Variants in GRIN2B observed in about 807,000 individuals in gnomAD.
GRIN2B encodes the protein glutamate ionotropic receptor NMDA type subunit 2B, also known as glutamate receptor ionotropic, NMDA 2B.
A neutral mutation model predicts 114.5 loss-of-function variants in GRIN2B; 5 were observed. The observed-to-expected ratio is 0.04, with a 90% CI of 0.02 to 0.09. The LOEUF is 0.09. Among genes scored for constraint, GRIN2B ranks in the 10% least tolerant of loss-of-function variants. The pLI is 1.00. For missense variants in GRIN2B, 1,108 were observed against 1,943.5 expected (o/e 0.57, Z 8.08); for synonymous variants, 787 against 745.1 (o/e 1.06, Z -0.92).
At position 13,938,942 on chromosome 12, in the gene GRIN2B, T is replaced by C. The variant is rs1867181654; in HGVS notation, c.-19+40986A>G. Among the ~76,000 whole-genome samples the C allele has an allele frequency of 6.6e-5, 10 of 152,214 alleles. No individual in the cohort carries two copies. In the South Asian group the frequency reaches 2.1e-3, roughly 32 times the overall value. On this transcript the variant is annotated intron_variant, in intron 2 of 13. Coordinates refer to ENST00000609686, the MANE Select transcript of GRIN2B (RefSeq NM_000834.5). The stretch of plus-strand genomic sequence containing the variant: ...AAATAAAGACAATTAAATGCTTCTC[T>C]TCTCTTTTTGCCATTACATCAAACT...
intron 3 of GRIN2B, among the ~76,000 whole-genome samples, chr12:13,852,956 C>A (rs1272956171): frequency 6.6e-6 from 1 of 152,094 alleles, no homozygotes; most frequent in Non-Finnish European, 1.5e-5. Flanking sequence ...GCTATACTGA[C>A]CCTCCTATTA....
intron 5 of GRIN2B, among the ~76,000 whole-genome samples, chr12:13,620,901 AAAAT>A (rs2136486711): frequency 6.6e-6 from 1 of 152,076 alleles, no homozygotes; most frequent in East Asian, 1.9e-4. Context: ...AAATGAAAAA[AAAAT>A]AAGAGGGAAA....
intron 2 of GRIN2B, among the ~76,000 whole-genome samples, chr12:13,967,448 T>A (rs1867807397): frequency 6.6e-6 from 1 of 152,260 alleles, no homozygotes; most frequent in East Asian, 1.9e-4. Context: ...AAGCTTTTAA[T>A]GTCTTCATGT....
intron 10 of GRIN2B, among the ~76,000 whole-genome samples, chr12:13,588,353 A>C (rs548189027): frequency 6.6e-6 from 1 of 152,290 alleles, no homozygotes; most frequent in Admixed American, 6.5e-5. Context: ...AGTTGTTGGG[A>C]GTGTGGGGCA....
At chr12:13,881,166 A>T (rs1866068268) in intron 2 of GRIN2B, among the ~76,000 whole-genome samples, 1 of 152,068 alleles carries the variant, frequency 6.6e-6, no homozygotes, top group South Asian at 2.1e-4. Flanking sequence ...TGTCTTCTCT[A>T]TTCTTAAAAT....
rs1948480401 is a variant in GRIN2B at position 13,556,454 on chromosome 12, A to G, written c.*6329T>C. The G allele has an allele frequency of 6.6e-6, 1 of 152,146 alleles. No homozygotes were observed. Among genetic ancestry groups the G allele is most frequent in the Non-Finnish European group, 1.5e-5 (1 of 68,022 alleles). The allele number at this position is 152,146 out of a possible 1,614,324, so 9.4% of individuals were successfully genotyped here. On this transcript the variant is annotated 3_prime_UTR_variant, in exon 14 of 14. Coordinates refer to ENST00000609686, the MANE Select transcript of GRIN2B (RefSeq NM_000834.5). ...TAGGGACATAGTACGTGCACAATAG[A>G]CGTTGGTTTAATTAAACTCACATAT...
intron 4 of GRIN2B, among the ~76,000 whole-genome samples, chr12:13,737,063 A>G (rs1043330925): frequency 6.6e-6 from 1 of 151,644 alleles, no homozygotes; most frequent in African/African-American, 2.4e-5. Flanking sequence ...GAAAAAGAAC[A>G]TGCAACATAC....
At chr12:13,938,233 A>G (rs1867163622) in intron 2 of GRIN2B, among the ~76,000 whole-genome samples, 1 of 152,140 alleles carries the variant, frequency 6.6e-6, no homozygotes, top group Non-Finnish European at 1.5e-5. Flanking sequence ...TTCAATAATT[A>G]CATTAAATAT....
intron 3 of GRIN2B, among the ~76,000 whole-genome samples, chr12:13,784,267 G>A (rs1247140424): frequency 7.1e-6 from 1 of 141,160 alleles, no homozygotes; most frequent in Admixed American, 7.2e-5. Context: ...AAATCCCTTT[G>A]CTGTCATAGC....
At chr12:13,952,003 CA>C (rs1204912711) in intron 2 of GRIN2B, among the ~76,000 whole-genome samples, 20 of 151,772 alleles carry the variant, frequency 1.3e-4, no homozygotes, top group African/African-American at 4.8e-4. Context: ...ATTGATATAT[CA>C]AAAGTGGATC....
At position 13,655,380 on chromosome 12, in the gene GRIN2B, A is replaced by C. The variant is rs1320277466; in HGVS notation, c.1125+20365T>G. On this transcript the variant is annotated intron_variant, in intron 5 of 13. Coordinates refer to ENST00000609686, the MANE Select transcript of GRIN2B (RefSeq NM_000834.5). The stretch of plus-strand genomic sequence containing the variant: ...TAAGGCTAAAGCAAAAATGCTGGCC[A>C]GATTCTTGCTGTCAGCAAACATCAA... Among the ~76,000 whole-genome samples the C allele has an allele frequency of 2.0e-5, 3 of 152,334 alleles. No homozygotes were observed. The East Asian group carries it at 5.8e-4, about 29-fold the overall frequency.
intron 4 of GRIN2B, among the ~76,000 whole-genome samples, chr12:13,726,584 T>G (rs1429573172): frequency 6.8e-6 from 1 of 147,238 alleles, no homozygotes; most frequent in African/African-American, 2.5e-5. Context: ...AATATATATA[T>G]AAATATATAA....
At chr12:13,874,170 G>A (rs1255792036) in intron 2 of GRIN2B, among the ~76,000 whole-genome samples, 1 of 152,090 alleles carries the variant, frequency 6.6e-6, no homozygotes, top group African/African-American at 2.4e-5. Context: ...ATCTTTCCTG[G>A]AACCTCTCCC....
In GRIN2B at chr12:13,563,405, G is replaced by A; in HGVS notation, c.3833C>T (p.Thr1278Ile). ...APVAVTSNAS[T>I]TKYPQSPTNS... ...AGTCGGGCTCTGAGGGTACTTAGTGGTGGAGGCGTTTGACGTCACCGCCAC... is the reference window on the plus strand; with the variant it reads ...AGTCGGGCTCTGAGGGTACTTAGTGATGGAGGCGTTTGACGTCACCGCCAC... Residue 1278 changes from threonine to isoleucine, a missense_variant, in exon 14 of 14, where the codon ACC becomes ATC. Coordinates refer to ENST00000609686, the MANE Select transcript of GRIN2B (RefSeq NM_000834.5). 2 of 1,614,204 alleles carry A rather than the reference G, an allele frequency of 1.2e-6. No homozygotes were observed. The highest frequency in any genetic ancestry group is 1.7e-6 in the Non-Finnish European group (2 of 1,180,044).
intron 5 of GRIN2B, among the ~76,000 whole-genome samples, chr12:13,621,032 C>A (rs917637875): frequency 6.6e-6 from 1 of 151,838 alleles, no homozygotes; most frequent in African/African-American, 2.4e-5. Context: ...ATAGTCACTG[C>A]CAATTCTTTA....
rs1323847688 is a variant in GRIN2B at position 13,547,975 on chromosome 12, A to ATTTTTTTTTTTT, written c.*14807_*14808insAAAAAAAAAAAA. ...TATGTGTGTGTATATATATATATAT[A>ATTTTTTTTTTTT]TATATATTTTTTTTTTTTTTCTGAA... On this transcript the variant is annotated 3_prime_UTR_variant, in exon 14 of 14. Coordinates refer to ENST00000609686, the MANE Select transcript of GRIN2B (RefSeq NM_000834.5). The ATTTTTTTTTTTT allele has an allele frequency of 2.0e-5, 1 of 49,856 alleles. No homozygotes were observed. The highest frequency in any genetic ancestry group is 4.4e-5 in the Non-Finnish European group (1 of 22,954). 3.1% of individuals were successfully genotyped at this position (49,856 alleles called of 1,614,324 possible). A position where few individuals can be genotyped will look rare whatever the true frequency, so the allele number is the denominator to read the frequency against.
intron 5 of GRIN2B, among the ~76,000 whole-genome samples, chr12:13,621,614 T>TTG (rs1491206787): frequency 0.015 from 529 of 35,128 alleles, 23 homozygotes; most frequent in South Asian, 0.04. Context: ...CTAGTTTTTG[T>TTG]TTTTTTTTTT....
intron 4 of GRIN2B, among the ~76,000 whole-genome samples, chr12:13,697,666 C>A (rs188710901): frequency 7.2e-5 from 11 of 151,776 alleles, no homozygotes; most frequent in Admixed American, 6.6e-4. Context: ...TGAAATAGAG[C>A]CTTTTAAAGA....
intron 2 of GRIN2B, among the ~76,000 whole-genome samples, chr12:13,976,050 A>G (rs1176155057): frequency 6.6e-6 from 1 of 152,242 alleles, no homozygotes; most frequent in Non-Finnish European, 1.5e-5. Flanking sequence ...TTCACAGCAC[A>G]ATGGATTCTG....
Sources: allele counts gnomAD v4.1 joint callset (sites outside exome capture counted in the v4.1 genomes callset), GRCh38; gene constraint gnomAD v4.1.1; transcripts MANE v1.5; gene names NCBI Gene and HGNC (gene_info 2026-07-23, HGNC 2026-07-21).